The following ITGA1 variants were observed in gnomAD, a reference collection of about 807,000 sequenced individuals.
ITGA1 encodes the protein integrin subunit alpha 1, also known as integrin alpha-1.
In ITGA1, 85 loss-of-function variants were observed where a neutral mutation model predicts 145.9. The observed-to-expected ratio is 0.58, with a 90% CI of 0.49 to 0.70. The LOEUF (loss-of-function observed/expected upper bound fraction) is 0.70, where lower values mean the gene tolerates loss of function less well. ITGA1 is among the 30% of genes least tolerant of loss of function. The probability of loss-of-function intolerance (pLI) is 0.00; values close to 1 mark genes in which losing one functional copy is unlikely to be tolerated. For synonymous variants in ITGA1, 520 were observed against 495.3 expected, an observed-to-expected ratio of 1.05 and a Z score of -0.66; for missense variants, 1,351 against 1,418.7, an observed-to-expected ratio of 0.95 and a Z score of 0.77.
intron 17 of ITGA1, among the ~76,000 whole-genome samples, chr5:52,921,815 TGGTCTCTTAGAG>T (rs946158766): frequency 2.4e-4 from 37 of 152,334 alleles, no homozygotes; most frequent in African/African-American, 8.4e-4. Flanking sequence ...CAACGTCGTT[TGGTCTCTTAGAG>T]GGTCAATCTT....
At chr5:52,943,056 T>G (rs1286394815) in intron 26 of ITGA1, among the ~76,000 whole-genome samples, 1 of 152,150 alleles carries the variant, frequency 6.6e-6, no homozygotes, top group South Asian at 2.1e-4. Flanking sequence ...TATTTGGATG[T>G]CTTTATTTCT....
At chr5:52,857,499 C>G (rs765019509) in intron 2 of ITGA1, among the ~76,000 whole-genome samples, 5 of 151,956 alleles carry the variant, frequency 3.3e-5, no homozygotes, top group Non-Finnish European at 5.9e-5. Context: ...TTTATTAACA[C>G]TGCCCATCTC....
intron 1 of ITGA1, among the ~76,000 whole-genome samples, chr5:52,795,009 T>C (rs762504993): frequency 3.3e-5 from 5 of 152,032 alleles, no homozygotes; most frequent in Non-Finnish European, 7.4e-5. Flanking sequence ...AATATTGAAA[T>C]AGGCTTATAC....
At chr5:52,789,379 A>G (rs1029411849) in intron 1 of ITGA1, among the ~76,000 whole-genome samples, 2 of 152,190 alleles carry the variant, frequency 1.3e-5, no homozygotes, top group Non-Finnish European at 2.9e-5. Context: ...TACTGCTGGC[A>G]TGGTTATTAG....
chr5:52,942,086 AG>A (rs1360682918), intron 26 of ITGA1, among the ~76,000 whole-genome samples: 2 of 152,240 alleles, frequency 1.3e-5, no homozygotes, highest in South Asian at 2.1e-4. Context: ...AGACGGCTGT[AG>A]GTATGTGGCT....
intron 6 of ITGA1, among the ~76,000 whole-genome samples, chr5:52,867,374 CA>C (rs1220762430): frequency 6.6e-6 from 1 of 152,090 alleles, no homozygotes; most frequent in Non-Finnish European, 1.5e-5. Flanking sequence ...TTGTTGAAAT[CA>C]GTGTAAAATC....
chr5:52,861,983 C>T (rs923485755), intron 3 of ITGA1, among the ~76,000 whole-genome samples: 5 of 151,640 alleles, frequency 3.3e-5, no homozygotes, highest in Non-Finnish European at 1.5e-5. Flanking sequence ...TTTGGGAGGC[C>T]GAGGCAGGCG....
intron 8 of ITGA1, chr5:52,889,774 C>T (rs1456756915): frequency 1.3e-5 from 2 of 152,156 alleles, no homozygotes; most frequent in South Asian, 2.1e-4. Flanking sequence ...TGGAGCTCTT[C>T]GTTTTTAATG....
chr5:52,818,651 C>A (rs2034175902), intron 1 of ITGA1, among the ~76,000 whole-genome samples: 3 of 152,140 alleles, frequency 2.0e-5, no homozygotes, highest in Admixed American at 2.0e-4. Flanking sequence ...AATGATTAGA[C>A]CATTAGAGAA....
intron 6 of ITGA1, among the ~76,000 whole-genome samples, chr5:52,869,864 A>T (rs1749751932): frequency 6.6e-6 from 1 of 151,922 alleles, no homozygotes; most frequent in African/African-American, 2.4e-5. Context: ...TTTATCAGTG[A>T]CTAAATTCAT....
intron 1 of ITGA1, among the ~76,000 whole-genome samples, chr5:52,846,267 G>GT (rs758336319): frequency 1.3e-5 from 2 of 152,124 alleles, no homozygotes; most frequent in Non-Finnish European, 2.9e-5. Flanking sequence ...GCCAAACGTG[G>GT]TGTCAGGCAC....
At chr5:52,815,065 T>C (rs1157412697) in intron 1 of ITGA1, among the ~76,000 whole-genome samples, 2 of 152,174 alleles carry the variant, frequency 1.3e-5, no homozygotes, top group Non-Finnish European at 2.9e-5. Context: ...AACATTGTTT[T>C]CCAATCCAGC....
intron 1 of ITGA1, among the ~76,000 whole-genome samples, chr5:52,815,272 C>T (rs1039046587): frequency 6.6e-6 from 1 of 152,078 alleles, no homozygotes; most frequent in Non-Finnish European, 1.5e-5. Context: ...AAAAATATAG[C>T]CAGTGTTTCT....
At position 52,942,079 on chromosome 5, in the gene ITGA1, C is replaced by T. The variant is rs371650223; in HGVS notation, c.3285+2135C>T. 1.6e-4 allele frequency among the ~76,000 whole-genome samples: 24 copies of T among 152,162 alleles called. No homozygotes were observed. The East Asian group carries it at 1.7e-3, about 11-fold the overall frequency. On this transcript the variant is annotated intron_variant, in intron 26 of 28. Transcript: ENST00000282588. Reference sequence around the variant, plus strand: ...TTTGTTGGCTTTATCAAAGATCAGACGGCTGTAGGTATGTGGCTTTATTTC... The same window carrying T: ...TTTGTTGGCTTTATCAAAGATCAGATGGCTGTAGGTATGTGGCTTTATTTC...
At chr5:52,907,565 G>T (rs1579711039) in intron 12 of ITGA1, among the ~76,000 whole-genome samples, 1 of 152,346 alleles carries the variant, frequency 6.6e-6, no homozygotes, top group South Asian at 2.1e-4. Context: ...GTGGCTCCAT[G>T]ATTAGAATGT....
At chr5:52,949,512 T>G (rs1751186777) in intron 28 of ITGA1, among the ~76,000 whole-genome samples, 1 of 152,142 alleles carries the variant, frequency 6.6e-6, no homozygotes, top group Non-Finnish European at 1.5e-5. Flanking sequence ...GGAGGTAAAG[T>G]GACTCTCCCA....
chr5:52,824,538 G>A (rs1159822418), intron 1 of ITGA1: 1 of 152,134 alleles, frequency 6.6e-6, no homozygotes, highest in African/African-American at 2.4e-5. Context: ...TGATCCGCCT[G>A]CCTTGGCCTC....
chr5:52,930,681 CAG>C (rs1042937229), intron 21 of ITGA1, among the ~76,000 whole-genome samples: 2 of 152,034 alleles, frequency 1.3e-5, no homozygotes, highest in African/African-American at 4.8e-5. Context: ...TAGCATTTCA[CAG>C]AGAGGTCACT....
intron 18 of ITGA1, 151 bp downstream of exon 18, chr5:52,923,038 G>T: frequency 1.7e-6 from 1 of 588,210 alleles, no homozygotes; most frequent in Non-Finnish European, 3.0e-6. Context: ...TTTTATTCCT[G>T]GTCAGGAATG....
Sources: allele counts gnomAD v4.1 joint callset (sites outside exome capture counted in the v4.1 genomes callset), GRCh38; gene constraint gnomAD v4.1.1; transcripts MANE v1.5; gene names NCBI Gene and HGNC (gene_info 2026-07-23, HGNC 2026-07-21).